Variants in JAK2 observed in about 807,000 individuals in gnomAD.
JAK2 encodes tyrosine-protein kinase JAK2.
A neutral mutation model predicts 139.3 loss-of-function variants in JAK2; 86 were observed. The observed-to-expected ratio is 0.62, with a 90% CI of 0.52 to 0.74. The LOEUF is 0.74. Ranked by LOEUF, JAK2 falls within the 30% of genes least tolerant of loss-of-function variation. The pLI is 0.00. For synonymous variants in JAK2, 490 were observed against 437.7 expected (o/e 1.12, Z -1.49); for missense variants, 1,421 against 1,360.3 (o/e 1.04, Z -0.70).
chr9:5,060,638 C>T (rs762906364), intron 8 of JAK2, among the ~76,000 whole-genome samples: 3 of 152,318 alleles, frequency 2.0e-5, no homozygotes, highest in African/African-American at 4.8e-5. Flanking sequence ...GCTATTTCTA[C>T]CACATCCTAG....
At chr9:5,042,980 A>G (rs1203634465) in intron 4 of JAK2, among the ~76,000 whole-genome samples, 1 of 152,118 alleles carries the variant, frequency 6.6e-6, no homozygotes, top group Non-Finnish European at 1.5e-5. Flanking sequence ...GACCCTCAGA[A>G]GCTGAGGGGG....
At chr9:5,099,761 C>T (rs746049741) in intron 22 of JAK2, 2 of 152,156 alleles carry the variant, frequency 1.3e-5, no homozygotes, top group Non-Finnish European at 2.9e-5. Flanking sequence ...CAAACCTGAT[C>T]CCTTATAATA....
chr9:5,087,546 G>A (rs185784860), intron 19 of JAK2, among the ~76,000 whole-genome samples: 4 of 151,992 alleles, frequency 2.6e-5, no homozygotes, highest in East Asian at 1.9e-4. Context: ...CTTTCTTTTC[G>A]CTGTATTTTT....
chr9:5,095,875 G>C (rs934221365), intron 22 of JAK2, among the ~76,000 whole-genome samples: 1 of 152,044 alleles, frequency 6.6e-6, no homozygotes, highest in African/African-American at 2.4e-5. Flanking sequence ...CACATTTCTA[G>C]CACTTAGCCT....
In JAK2 at chr9:5,054,999, T is replaced by C; in HGVS notation, c.936+115T>C. Reference sequence around the variant, plus strand: ...TTGCACTTCTCCCATTTGATAGAAGTGGAAGTTTTTAATAGCGTGAACCTA... The same window carrying C: ...TTGCACTTCTCCCATTTGATAGAAGCGGAAGTTTTTAATAGCGTGAACCTA... On this transcript the variant is annotated intron_variant, in intron 7 of 24. Coordinates refer to ENST00000381652, the MANE Select transcript of JAK2 (RefSeq NM_004972.4). This position sits in a 1 kb window ranked among gnomAD's most constrained non-coding sequence, Gnocchi z 4.9. 1 of 743,728 alleles carries C rather than the reference T, an allele frequency of 1.3e-6. No individual in the cohort carries two copies. Among genetic ancestry groups the C allele is most frequent in the East Asian group, 2.7e-5 (1 of 36,588 alleles). The allele number at this position is 743,728 out of a possible 1,614,324, so 46.1% of individuals were successfully genotyped here.
rs142955857 is a variant in JAK2 at position 5,021,737 on chromosome 9, C to T, written c.-25-226C>T. Among the ~76,000 whole-genome samples, 248 of 152,252 alleles carry T rather than the reference C, an allele frequency of 1.6e-3. 1 individual carries two copies. The highest frequency in any genetic ancestry group is 2.9e-3 in the Non-Finnish European group (197 of 68,016). ...TCCTCCCAGGTTCAAGCAATTCTTCCGCTCCACTCCCAGAGTAGCTAGGAC... is the reference window on the plus strand; with the variant it reads ...TCCTCCCAGGTTCAAGCAATTCTTCTGCTCCACTCCCAGAGTAGCTAGGAC... On this transcript the variant is annotated intron_variant, in intron 2 of 24. Coordinates refer to ENST00000381652, the MANE Select transcript of JAK2 (RefSeq NM_004972.4).
chr9:5,023,439 G>T (rs747470286), intron 3 of JAK2, among the ~76,000 whole-genome samples: 1 of 152,198 alleles, frequency 6.6e-6, no homozygotes, highest in South Asian at 2.1e-4. Context: ...GACTCGGGGG[G>T]AGCGTGGGAC....
At chr9:5,064,732 G>C (rs1459873449) in intron 8 of JAK2, 151 bp from the exon 9 acceptor site, 4 of 483,626 alleles carry the variant, frequency 8.3e-6, no homozygotes, top group Non-Finnish European at 1.1e-5. Context: ...TCAGACATGA[G>C]AATTTGTAAT....
intron 22 of JAK2, among the ~76,000 whole-genome samples, chr9:5,102,169 C>T (rs978383971): frequency 6.6e-6 from 1 of 152,086 alleles, no homozygotes; most frequent in Admixed American, 6.5e-5. Flanking sequence ...TGGCTAACTA[C>T]AATAAACAGT....
chr9:5,104,858 GC>G (rs1821824392), intron 22 of JAK2, among the ~76,000 whole-genome samples: 1 of 152,096 alleles, frequency 6.6e-6, no homozygotes, highest in Admixed American at 6.6e-5. Context: ...AAATTCTACA[GC>G]CCTTCATGCC....
chr9:5,066,616 C>T, intron 9 of JAK2, 62 bp from the exon 10 acceptor site: 1 of 894,852 alleles, frequency 1.1e-6, no homozygotes, highest in Non-Finnish European at 1.9e-6. Context: ...TTTTAGATGA[C>T]ACTTGGTCAT....
intron 8 of JAK2, among the ~76,000 whole-genome samples, chr9:5,060,333 C>T (rs971707696): frequency 6.6e-6 from 1 of 152,134 alleles, no homozygotes; most frequent in African/African-American, 2.4e-5. Flanking sequence ...CTCTTCATTT[C>T]GTTAAAGTTG....
At chr9:5,068,587 C>A (rs757834955) in intron 10 of JAK2, among the ~76,000 whole-genome samples, 15 of 152,166 alleles carry the variant, frequency 9.9e-5, no homozygotes, top group Non-Finnish European at 2.1e-4. Context: ...CATGAAGCAG[C>A]ATGGCATTTG....
intron 22 of JAK2, among the ~76,000 whole-genome samples, chr9:5,091,762 CG>C (rs1375865692): frequency 6.6e-6 from 1 of 151,962 alleles, no homozygotes; most frequent in African/African-American, 2.4e-5. Context: ...AGGCTTAAGT[CG>C]GGGGGCTGAA....
At chr9:5,038,072 T>C (rs1405646220) in intron 4 of JAK2, among the ~76,000 whole-genome samples, 1 of 152,204 alleles carries the variant, frequency 6.6e-6, no homozygotes, top group East Asian at 1.9e-4. Flanking sequence ...TAACTAGTGA[T>C]GCTGAGAATT....
chr9:4,991,021 G>T (rs567184245), intron 2 of JAK2, among the ~76,000 whole-genome samples: 1 of 152,164 alleles, frequency 6.6e-6, no homozygotes, highest in Non-Finnish European at 1.5e-5. Flanking sequence ...CATTGGTTCT[G>T]TGTTTTTTTC....
At chr9:5,088,619 T>C (rs2130666116) in intron 19 of JAK2, among the ~76,000 whole-genome samples, 1 of 152,282 alleles carries the variant, frequency 6.6e-6, no homozygotes, top group South Asian at 2.1e-4. Context: ...TATAACAAAA[T>C]ACCATAGACT....
chr9:5,032,146 C>T (rs1018462731), intron 4 of JAK2, among the ~76,000 whole-genome samples: 1 of 152,196 alleles, frequency 6.6e-6, no homozygotes. Flanking sequence ...GAGCCTCGCT[C>T]ATTGCTAGCA....
At chr9:5,033,378 A>G (rs1823315717) in intron 4 of JAK2, among the ~76,000 whole-genome samples, 2 of 152,198 alleles carry the variant, frequency 1.3e-5, no homozygotes, top group Non-Finnish European at 2.9e-5. Context: ...CAAATTCAGG[A>G]AATAGAGAGA....
Sources: allele counts gnomAD v4.1 joint callset (sites outside exome capture counted in the v4.1 genomes callset), GRCh38; gene constraint gnomAD v4.1.1; non-coding constraint Gnocchi (gnomAD v3.1); transcripts MANE v1.5; gene names NCBI Gene and HGNC (gene_info 2026-07-23, HGNC 2026-07-21).